The following CERS6 variants were observed in gnomAD, a reference collection of about 807,000 sequenced individuals.
The protein encoded by CERS6 is ceramide synthase 6, also known as LAG1 homolog, ceramide synthase 6.
A neutral mutation model predicts 56.8 loss-of-function variants in CERS6; 26 were observed. The observed-to-expected ratio is 0.46, with a 90% CI of 0.34 to 0.63. The LOEUF is 0.63. Among genes scored for constraint, CERS6 ranks in the 30% least tolerant of loss-of-function variants. The probability of loss-of-function intolerance (pLI) is 0.01; values close to 1 mark genes in which losing one functional copy is unlikely to be tolerated. For missense variants in CERS6, 415 were observed against 467.5 expected (o/e 0.89, Z 1.04); for synonymous variants, 164 against 173.3 (o/e 0.95, Z 0.42).
chr2:168,547,086 T>G (rs951408989), intron 1 of CERS6, among the ~76,000 whole-genome samples: 4 of 152,206 alleles, frequency 2.6e-5, no homozygotes, highest in African/African-American at 9.7e-5. Context: ...CAGAGAATTT[T>G]AAGAAGCCAT....
intron 2 of CERS6, among the ~76,000 whole-genome samples, chr2:168,552,762 A>G (rs959143771): frequency 9.2e-5 from 14 of 152,178 alleles, no homozygotes; most frequent in African/African-American, 3.4e-4. Flanking sequence ...CTGGAAGAGC[A>G]TCCTTCCTGC....
chr2:168,711,454 C>T (rs906655543), intron 6 of CERS6, among the ~76,000 whole-genome samples: 2 of 152,114 alleles, frequency 1.3e-5, no homozygotes, highest in African/African-American at 2.4e-5. Context: ...GTATAGATAG[C>T]CAGACTCAGT....
chr2:168,661,420 G>T (rs574932904), intron 4 of CERS6, among the ~76,000 whole-genome samples: 2 of 152,294 alleles, frequency 1.3e-5, no homozygotes, highest in East Asian at 3.9e-4. Context: ...TAATTTGTGA[G>T]TTATAGGCAA....
intron 3 of CERS6, among the ~76,000 whole-genome samples, chr2:168,610,520 T>C: frequency 6.6e-6 from 1 of 152,322 alleles, no homozygotes; most frequent in East Asian, 1.9e-4. Flanking sequence ...TTGATTTCAT[T>C]TTTATTTGGT....
At chr2:168,627,781 C>A (rs1463734436) in intron 3 of CERS6, among the ~76,000 whole-genome samples, 1 of 151,228 alleles carries the variant, frequency 6.6e-6, no homozygotes, top group Non-Finnish European at 1.5e-5. Context: ...TATTTTAGTT[C>A]TTGTATTTCC....
At chr2:168,727,122 G>T (rs13423256) in intron 8 of CERS6, among the ~76,000 whole-genome samples, 2,363 of 152,236 alleles carry the variant, frequency 0.016, 55 homozygotes, top group African/African-American at 0.053. Context: ...AGTCAAATAC[G>T]TACCTTTACT....
At chr2:168,513,123 A>G (rs1234602839) in intron 1 of CERS6, among the ~76,000 whole-genome samples, 3 of 152,210 alleles carry the variant, frequency 2.0e-5, no homozygotes, top group Non-Finnish European at 4.4e-5. Context: ...TGTGTGTACA[A>G]GAATGAGGTC....
At chr2:168,629,900 C>T (rs1684672565) in intron 3 of CERS6, among the ~76,000 whole-genome samples, 1 of 151,786 alleles carries the variant, frequency 6.6e-6, no homozygotes, top group Non-Finnish European at 1.5e-5. Flanking sequence ...ACTGCAAGCT[C>T]CACCTCCCGG....
At chr2:168,598,817 A>G (rs148063226) in intron 3 of CERS6, among the ~76,000 whole-genome samples, 237 of 152,294 alleles carry the variant, frequency 1.6e-3, no homozygotes, top group African/African-American at 4.8e-3. Flanking sequence ...TAATATGAAC[A>G]TTTTCTTTTT....
rs192245921 is a variant in CERS6 at position 168,458,959 on chromosome 2, A to G, written c.170+2341A>G. 5.3e-5 allele frequency among the ~76,000 whole-genome samples: 8 copies of G among 152,364 alleles called. No homozygotes were observed. In the East Asian group the frequency reaches 1.5e-3, roughly 29 times the overall value. ...GCATCCATCAAGGGCCTGAATCAAT[A>G]AAACAGAACCATTCAGTATTATCAC... is the stretch of plus-strand genomic sequence containing the variant. On this transcript the variant is annotated intron_variant, in intron 1 of 9. Transcript: ENST00000305747.
At chr2:168,686,346 C>A (rs1366817715) in intron 4 of CERS6, among the ~76,000 whole-genome samples, 1 of 151,056 alleles carries the variant, frequency 6.6e-6, no homozygotes, top group Admixed American at 6.6e-5. Flanking sequence ...ATGTTAATTA[C>A]CTTCCAAAGG....
chr2:168,506,781 A>G (rs1437513127), intron 1 of CERS6, among the ~76,000 whole-genome samples: 1 of 152,182 alleles, frequency 6.6e-6, no homozygotes, highest in Non-Finnish European at 1.5e-5. Flanking sequence ...GATTTGTAGC[A>G]ATTAGATTGC....
intron 1 of CERS6, among the ~76,000 whole-genome samples, chr2:168,493,409 A>C (rs912268673): frequency 1.3e-5 from 2 of 151,844 alleles, no homozygotes; most frequent in Non-Finnish European, 2.9e-5. Context: ...GGGCAGATCA[A>C]CTAACTAGCC....
In CERS6 at chr2:168,695,054, A is replaced by G; in HGVS notation, c.609+3A>G. On this transcript the variant is annotated splice_donor_region_variant and intron_variant, in intron 6 of 9. Transcript: ENST00000305747. ...AGTTCACTGATATCAAAAGAAAGGT[A>G]AGAGCGGTTATGTCGTAAAGTGCTT... 1 of 1,610,254 alleles carries G rather than the reference A, an allele frequency of 6.2e-7. No homozygotes were observed. Among genetic ancestry groups the G allele is most frequent in the Non-Finnish European group, 8.5e-7 (1 of 1,176,612 alleles).
intron 4 of CERS6, among the ~76,000 whole-genome samples, chr2:168,685,247 T>A (rs1025864357): frequency 6.6e-6 from 1 of 152,162 alleles, no homozygotes; most frequent in Non-Finnish European, 1.5e-5. Flanking sequence ...CAAAATGTGT[T>A]TAATATGTTT....
At chr2:168,495,388 G>A (rs1353598246) in intron 1 of CERS6, among the ~76,000 whole-genome samples, 1 of 152,152 alleles carries the variant, frequency 6.6e-6, no homozygotes, top group Non-Finnish European at 1.5e-5. Context: ...TGCTTAACAG[G>A]GATCAGAAAG....
Position 168,737,328 on chromosome 2 carries a change from G to A in CERS6, c.845+19350G>A, listed in dbSNP as rs1016235066. On this transcript the variant is annotated intron_variant, in intron 8 of 9. Transcript: ENST00000305747. ...ACAATGGAAAATTCAATATTGGCTCGCAGAAAGACGCTTAGTCACATAAAT... is the reference window on the plus strand; with the variant it reads ...ACAATGGAAAATTCAATATTGGCTCACAGAAAGACGCTTAGTCACATAAAT... 1.2e-4 allele frequency among the ~76,000 whole-genome samples: 19 copies of A among 152,192 alleles called. 1 individual carries two copies. The highest frequency in any genetic ancestry group is 2.1e-4 in the South Asian group (1 of 4,828).
At chr2:168,672,000 T>C (rs185145247) in intron 4 of CERS6, among the ~76,000 whole-genome samples, 8 of 152,366 alleles carry the variant, frequency 5.3e-5, no homozygotes, top group Admixed American at 5.2e-4. Flanking sequence ...TAGCTTCATA[T>C]AAGTTTTCTA....
intron 8 of CERS6, among the ~76,000 whole-genome samples, chr2:168,728,007 A>T (rs1465679925): frequency 6.6e-6 from 1 of 152,238 alleles, no homozygotes; most frequent in African/African-American, 2.4e-5. Flanking sequence ...ACAAATTTTA[A>T]TGTAATTTCA....
Sources: gnomAD v4.1 joint callset for allele counts (sites outside exome capture counted in the v4.1 genomes callset) on GRCh38, gnomAD v4.1.1 for gene constraint, MANE v1.5 for transcripts, NCBI Gene and HGNC (gene_info 2026-07-23, HGNC 2026-07-21) for gene names.